ARAP1: variants seen among roughly 807,000 people sequenced by gnomAD.
ARAP1 encodes the protein arf-GAP with Rho-GAP domain, ANK repeat and PH domain-containing protein 1.
A neutral mutation model predicts 172.2 loss-of-function variants in ARAP1; 76 were observed. The ratio of observed to expected loss-of-function variants is 0.44; its 90% confidence interval spans 0.37 to 0.53. The LOEUF (loss-of-function observed/expected upper bound fraction) is 0.53, where lower values mean the gene tolerates loss of function less well. Ranked by LOEUF, ARAP1 falls within the 20% of genes least tolerant of loss-of-function variation. ARAP1 has a pLI of 0.00. For synonymous variants in ARAP1, 804 were observed against 803.3 expected (o/e 1.00, Z -0.01); for missense variants, 1,686 against 1,977.5 (o/e 0.85, Z 2.80).
At position 72,687,517 on chromosome 11, in the gene ARAP1, G is replaced by A. The variant is rs753376805; in HGVS notation, c.4122-15C>T. The A allele has an allele frequency of 3.1e-6, 5 of 1,614,128 alleles. No homozygotes were observed. Among genetic ancestry groups the A allele is most frequent in the African/African-American group, 1.3e-5 (1 of 75,026 alleles). ...AGCAGAGGTACCTGCAGGGTTGGAC[G>A]CGGACCCACATGATGCCAAAGGCCT... On this transcript the variant is annotated splice_polypyrimidine_tract_variant and intron_variant, in intron 32 of 34. Coordinates refer to ENST00000393609, the MANE Select transcript of ARAP1 (RefSeq NM_001040118.3).
chr11:72,705,864 C>A lies in ARAP1; in HGVS notation c.1750G>T (p.Val584Phe), dbSNP rs201267929. Reference sequence around the variant, plus strand: ...ATCTTCAGGCTCCGCACCTTGGAGACGCCAGCGCCCAGGCCACGGTGCTCC... The same window carrying A: ...ATCTTCAGGCTCCGCACCTTGGAGAAGCCAGCGCCCAGGCCACGGTGCTCC... ...AGEHRGLGAG[V>F]SKVRSLKMDR... Residue 584 changes from valine to phenylalanine, a missense_variant, in exon 13 of 35, where the codon GTC becomes TTC. Val to Phe is a conservative substitution (Grantham distance 50). Transcript: ENST00000393609. 8.7e-6 allele frequency: 14 copies of A among 1,614,114 alleles called. No homozygotes were observed. In the South Asian group the frequency reaches 1.5e-4, roughly 18 times the overall value.
chr11:72,746,964 G>C (rs1035229448), intron 1 of ARAP1, among the ~76,000 whole-genome samples: 1 of 152,174 alleles, frequency 6.6e-6, no homozygotes, highest in Non-Finnish European at 1.5e-5. Flanking sequence ...GGCAGTGCTC[G>C]CTGGGCCAGT....
chr11:72,733,288 T>G (rs561857562), intron 1 of ARAP1, among the ~76,000 whole-genome samples: 1 of 152,158 alleles, frequency 6.6e-6, no homozygotes, highest in South Asian at 2.1e-4. Context: ...GAAGGGACAA[T>G]GCAGCCCTGC....
At position 72,705,888 on chromosome 11, in the gene ARAP1, C is replaced by G; in HGVS notation, c.1726G>C (p.Glu576Gln). The change falls in exon 13 of 35, where the codon GAG becomes CAG. Residue 576 changes from glutamate to glutamine, a missense_variant and splice_region_variant. This residue lies in a region of ARAP1 where 688 missense variants were observed against 856.9 expected (regional missense o/e 0.80). Transcript: ENST00000393609. ...CVVICKRCAG[E>Q]HRGLGAGVSK... Reference sequence around the variant, plus strand: ...ACGCCAGCGCCCAGGCCACGGTGCTCCCCTGTAGACACAGGGCCAGACCCA... The same window carrying G: ...ACGCCAGCGCCCAGGCCACGGTGCTGCCCTGTAGACACAGGGCCAGACCCA... 6.2e-7 allele frequency: 1 copy of G among 1,613,968 alleles called. No homozygotes were observed. The highest frequency in any genetic ancestry group is 8.5e-7 in the Non-Finnish European group (1 of 1,179,914).
intron 1 of ARAP1, among the ~76,000 whole-genome samples, chr11:72,746,799 T>C (rs1266315937): frequency 1.3e-5 from 2 of 152,118 alleles, no homozygotes; most frequent in Non-Finnish European, 1.5e-5. Flanking sequence ...TCCAGGGAAG[T>C]TGAGTACAGT....
chr11:72,744,424 C>T (rs1023772046), intron 1 of ARAP1, among the ~76,000 whole-genome samples: 1 of 152,230 alleles, frequency 6.6e-6, no homozygotes, highest in South Asian at 2.1e-4. Flanking sequence ...TCCACCCAGT[C>T]CCACCCAGTT....
In ARAP1 at chr11:72,710,978, C is replaced by G; in HGVS notation, c.1213+43G>C. 6.2e-7 allele frequency: 1 copy of G among 1,611,948 alleles called. No homozygotes were observed. The highest frequency in any genetic ancestry group is 8.5e-7 in the Non-Finnish European group (1 of 1,178,716). On this transcript the variant is annotated intron_variant, in intron 9 of 34. Transcript: ENST00000393609. This position sits in a 1 kb window ranked among gnomAD's most constrained non-coding sequence, Gnocchi z 4.3. ...CCTCTGCCCAAACTTCCAGTCTTCTCTACCCTCTTCTACACACACACACAA... is the reference window on the plus strand; with the variant it reads ...CCTCTGCCCAAACTTCCAGTCTTCTGTACCCTCTTCTACACACACACACAA...
chr11:72,749,539 T>C (rs1047350943), intron 1 of ARAP1, among the ~76,000 whole-genome samples: 1 of 152,114 alleles, frequency 6.6e-6, no homozygotes, highest in African/African-American at 2.4e-5. Flanking sequence ...TGTAAATCAT[T>C]AGATGACAAA....
chr11:72,697,340 T>C lies in ARAP1; in HGVS notation c.2936A>G (p.Asp979Gly). 1 of 1,594,654 alleles carries C rather than the reference T, an allele frequency of 6.3e-7. No individual in the cohort carries two copies. Among genetic ancestry groups the C allele is most frequent in the Non-Finnish European group, 8.5e-7 (1 of 1,170,932 alleles). Reference protein sequence around the residue: ...DIPVIVYRCVDYITQCGLTSE... With the variant: ...DIPVIVYRCVGYITQCGLTSE... The stretch of plus-strand genomic sequence containing the variant: ...GGGCTCACCGCACTGCGTGATGTAG[T>C]CCACACAGCGGTACACGATCACCGG... The change falls in exon 21 of 35, where the codon GAC (aspartate) becomes GGC (glycine). Residue 979 changes from aspartate to glycine, a missense_variant. Around this residue, in one of 5 missense-constraint regions of ARAP1, gnomAD observed 274 missense variants for 262.7 expected, o/e 1.04. Coordinates refer to ENST00000393609, the MANE Select transcript of ARAP1 (RefSeq NM_001040118.3).
At chr11:72,733,887 A>C (rs2135580615) in intron 1 of ARAP1, among the ~76,000 whole-genome samples, 1 of 152,308 alleles carries the variant, frequency 6.6e-6, no homozygotes, top group South Asian at 2.1e-4. Context: ...GCAGTAGCGC[A>C]ATCTTGGCTC....
chr11:72,703,369 T>C, intron 14 of ARAP1: 2 of 216,680 alleles, frequency 9.2e-6, no homozygotes, highest in Admixed American at 5.9e-5. Context: ...AGCCAGAGCC[T>C]CCAGAGGATC....
chr11:72,719,670 C>T (rs1215682938), intron 3 of ARAP1, among the ~76,000 whole-genome samples: 2 of 152,226 alleles, frequency 1.3e-5, no homozygotes, highest in Non-Finnish European at 2.9e-5. Context: ...CCGTTCCTAT[C>T]TTTCTGTCTA....
chr11:72,717,890 G>A (rs1412706554), intron 3 of ARAP1, among the ~76,000 whole-genome samples: 1 of 152,216 alleles, frequency 6.6e-6, no homozygotes, highest in Non-Finnish European at 1.5e-5. Flanking sequence ...CTGAGCAAAT[G>A]AGGCCATGCC....
chr11:72,750,880 C>G (rs1413396035), intron 1 of ARAP1, among the ~76,000 whole-genome samples: 3 of 152,152 alleles, frequency 2.0e-5, no homozygotes, highest in Non-Finnish European at 4.4e-5. Flanking sequence ...CAACAGCAGC[C>G]CATCTCTGAA....
intron 1 of ARAP1, among the ~76,000 whole-genome samples, chr11:72,751,644 G>C (rs1387616952): frequency 2.0e-5 from 3 of 152,036 alleles, no homozygotes; most frequent in Non-Finnish European, 4.4e-5. Flanking sequence ...AGGCTCCCCA[G>C]GATATGGGAT....
chr11:72,713,089 C>T, intron 5 of ARAP1, 87 bp downstream of exon 5: 1 of 1,387,090 alleles, frequency 7.2e-7, no homozygotes, highest in Non-Finnish European at 1.0e-6. Context: ...GCTGCCCACT[C>T]TCTGTCTGGT....
At chr11:72,736,180 T>C (rs1329377710) in intron 1 of ARAP1, among the ~76,000 whole-genome samples, 2 of 152,168 alleles carry the variant, frequency 1.3e-5, no homozygotes, top group African/African-American at 4.8e-5. Context: ...TTAAATATTA[T>C]ATACCTTGAA....
rs1163794403 is a variant in ARAP1 at position 72,711,192 on chromosome 11, C to A, written c.1093-51G>T. 5.0e-6 allele frequency: 8 copies of A among 1,606,184 alleles called. No homozygotes were observed. In the Admixed American group the frequency reaches 6.8e-5, roughly 14 times the overall value. On this transcript the variant is annotated intron_variant, in intron 8 of 34. Coordinates refer to ENST00000393609, the MANE Select transcript of ARAP1 (RefSeq NM_001040118.3). ...TTGGGACCCAGCACCTCGCTGACTC[C>A]CCCAGCCTCAGCCAAAATGAAGTCT... is the stretch of plus-strand genomic sequence containing the variant.
intron 1 of ARAP1, among the ~76,000 whole-genome samples, chr11:72,734,518 C>T (rs745746726): frequency 3.9e-5 from 6 of 152,160 alleles, no homozygotes; most frequent in Non-Finnish European, 7.3e-5. Flanking sequence ...CAATTTGAAA[C>T]AAGAAAAAGA....
Sources: allele counts gnomAD v4.1 joint callset (sites outside exome capture counted in the v4.1 genomes callset), GRCh38; gene constraint gnomAD v4.1.1; regional missense constraint gnomAD v4.1.1; non-coding constraint Gnocchi (gnomAD v3.1); transcripts MANE v1.5; gene names NCBI Gene and HGNC (gene_info 2026-07-23, HGNC 2026-07-21).